The following ADAMTS3 variants were observed in gnomAD, a reference collection of about 807,000 sequenced individuals.
The protein encoded by ADAMTS3 is ADAM metallopeptidase with thrombospondin type 1 motif 3.
In ADAMTS3, 73 loss-of-function variants were observed where a neutral mutation model predicts 129.0. The ratio of observed to expected loss-of-function variants is 0.57; its 90% confidence interval spans 0.47 to 0.69. The LOEUF (loss-of-function observed/expected upper bound fraction) is 0.69, where lower values mean the gene tolerates loss of function less well. Among genes scored for constraint, ADAMTS3 ranks in the 30% least tolerant of loss-of-function variants. ADAMTS3 has a pLI of 0.00. For synonymous variants in ADAMTS3, 477 were observed against 510.8 expected (o/e 0.93, Z 0.89); for missense variants, 1,457 against 1,514.5 (o/e 0.96, Z 0.63).
At position 72,319,843 on chromosome 4, in the gene ADAMTS3, T is replaced by C. The variant is rs1430156494; in HGVS notation, c.1208+15A>G. 40 of 1,595,662 alleles carry C rather than the reference T, an allele frequency of 2.5e-5. No homozygotes were observed. Among genetic ancestry groups the C allele is most frequent in the Non-Finnish European group, 3.2e-5 (37 of 1,163,432 alleles). ...AGATCTTTTTTTGGCTTTATAGCTG[T>C]CAGCAGTGACTTACACATGGCCCGT... On this transcript the variant is annotated intron_variant, in intron 8 of 21. Transcript: ENST00000286657.
intron 3 of ADAMTS3, among the ~76,000 whole-genome samples, chr4:72,462,221 C>T (rs192720583): frequency 1.3e-5 from 2 of 151,770 alleles, no homozygotes. Context: ...TGAGCAGAAG[C>T]CTCAATAGAG....
At chr4:72,398,888 A>C (rs1019803525) in intron 4 of ADAMTS3, among the ~76,000 whole-genome samples, 1 of 152,212 alleles carries the variant, frequency 6.6e-6, no homozygotes, top group Non-Finnish European at 1.5e-5. Context: ...CGGAGACTTC[A>C]TTACACAGTC....
chr4:72,414,222 A>G (rs16847884), intron 4 of ADAMTS3, among the ~76,000 whole-genome samples: 5,545 of 151,962 alleles, frequency 0.036, 123 homozygotes, highest in Non-Finnish European at 0.048. Context: ...AGTTACTTTC[A>G]GGTTTCATTT....
intron 4 of ADAMTS3, among the ~76,000 whole-genome samples, chr4:72,380,255 T>C (rs1392703493): frequency 2.0e-5 from 3 of 152,090 alleles, no homozygotes; most frequent in Admixed American, 2.0e-4. Flanking sequence ...AGAGCTATTA[T>C]GAGAGCAAAG....
At chr4:72,303,030 G>A (rs1026518125) in intron 17 of ADAMTS3, among the ~76,000 whole-genome samples, 4 of 152,082 alleles carry the variant, frequency 2.6e-5, no homozygotes, top group African/African-American at 9.7e-5. Context: ...TTCAGGGACT[G>A]CTTGCTTTGC....
intron 2 of ADAMTS3, among the ~76,000 whole-genome samples, chr4:72,551,981 G>T (rs1009302591): frequency 2.6e-5 from 4 of 152,116 alleles, no homozygotes. Flanking sequence ...TTCTGTAAAA[G>T]GCTCTTACAT....
intron 2 of ADAMTS3, among the ~76,000 whole-genome samples, chr4:72,559,779 A>G (rs777451823): frequency 6.6e-6 from 1 of 151,918 alleles, no homozygotes; most frequent in African/African-American, 2.4e-5. Flanking sequence ...AAAGTAATTT[A>G]TGGATTCAAT....
intron 4 of ADAMTS3, among the ~76,000 whole-genome samples, chr4:72,404,555 T>C (rs1722004552): frequency 6.6e-6 from 1 of 151,924 alleles, no homozygotes; most frequent in Admixed American, 6.6e-5. Flanking sequence ...ATAAAACTCC[T>C]AGGAGAAAGC....
At chr4:72,453,516 C>T (rs372914696) in intron 3 of ADAMTS3, among the ~76,000 whole-genome samples, 1 of 151,746 alleles carries the variant, frequency 6.6e-6, no homozygotes, top group African/African-American at 2.4e-5. Flanking sequence ...AAAAAGGTTA[C>T]ATCACTTGCC....
intron 4 of ADAMTS3, among the ~76,000 whole-genome samples, chr4:72,394,178 C>T (rs1275301064): frequency 2.6e-5 from 4 of 152,134 alleles, no homozygotes; most frequent in Non-Finnish European, 4.4e-5. Flanking sequence ...TTCAGAGGGC[C>T]CCATTCACAG....
At position 72,326,747 on chromosome 4, in the gene ADAMTS3, AAAAACAATTGC is replaced by A. The variant is rs547007279; in HGVS notation, c.862-3661_862-3651del. Reference sequence around the variant, plus strand: ...TCATAATCTACCTGAAAAGTTCAAGAAAAACAATTGCCTTAATCACAGTTTTTACTGAAAGG... The same window carrying A: ...TCATAATCTACCTGAAAAGTTCAAGACTTAATCACAGTTTTTACTGAAAGG... On this transcript the variant is annotated intron_variant, in intron 5 of 21. Transcript: ENST00000286657. Among the ~76,000 whole-genome samples, 14 of 152,282 alleles carry A rather than the reference AAAAACAATTGC, an allele frequency of 9.2e-5. No homozygotes were observed. In the South Asian group the frequency reaches 2.9e-3, roughly 32 times the overall value.
At chr4:72,513,261 T>C (rs1720364718) in intron 3 of ADAMTS3, among the ~76,000 whole-genome samples, 1 of 152,198 alleles carries the variant, frequency 6.6e-6, no homozygotes, top group Non-Finnish European at 1.5e-5. Flanking sequence ...AGCTCAAAAC[T>C]TTCCAACTCA....
intron 4 of ADAMTS3, among the ~76,000 whole-genome samples, chr4:72,404,501 T>C (rs766903722): frequency 4.6e-5 from 7 of 151,916 alleles, no homozygotes; most frequent in East Asian, 1.9e-4. Context: ...TAAACAAAAA[T>C]CAACCCCAGA....
intron 21 of ADAMTS3, among the ~76,000 whole-genome samples, chr4:72,287,254 C>A (rs1294103401): frequency 3.3e-5 from 5 of 151,394 alleles, no homozygotes; most frequent in Non-Finnish European, 7.4e-5. Context: ...GAACTCTGAG[C>A]AATAATTTTT....
intron 4 of ADAMTS3, among the ~76,000 whole-genome samples, chr4:72,350,517 T>G (rs1195778945): frequency 6.6e-6 from 1 of 152,050 alleles, no homozygotes; most frequent in Non-Finnish European, 1.5e-5. Context: ...AATTTTACCC[T>G]TTTGGCTGCT....
At chr4:72,455,382 C>G (rs1718518917) in intron 3 of ADAMTS3, among the ~76,000 whole-genome samples, 1 of 151,430 alleles carries the variant, frequency 6.6e-6, no homozygotes, top group Non-Finnish European at 1.5e-5. Context: ...GAACAGAAAA[C>G]CAAACACCAC....
chr4:72,415,035 A>T, intron 3 of ADAMTS3, 64 bp from the exon 4 acceptor site: 1 of 1,172,964 alleles, frequency 8.5e-7, no homozygotes, highest in Non-Finnish European at 1.1e-6. Context: ...GCTCACAAGC[A>T]CATCTTTTTA....
At chr4:72,472,880 G>A (rs943057582) in intron 3 of ADAMTS3, among the ~76,000 whole-genome samples, 1 of 152,090 alleles carries the variant, frequency 6.6e-6, no homozygotes, top group African/African-American at 2.4e-5. Context: ...GTCAATCTGA[G>A]GTGCCTCAAA....
chr4:72,502,522 G>A (rs1720052489), intron 3 of ADAMTS3, among the ~76,000 whole-genome samples: 1 of 152,070 alleles, frequency 6.6e-6, no homozygotes. Context: ...AATCTAAAGA[G>A]CAATCTATCA....
Sources: allele counts gnomAD v4.1 joint callset (sites outside exome capture counted in the v4.1 genomes callset), GRCh38; gene constraint gnomAD v4.1.1; transcripts MANE v1.5; gene names NCBI Gene and HGNC (gene_info 2026-07-23, HGNC 2026-07-21).